Variants in LATS1 observed in about 807,000 individuals in gnomAD.
LATS1 encodes serine/threonine-protein kinase LATS1.
A neutral mutation model predicts 106.6 loss-of-function variants in LATS1; 25 were observed. That is an observed-to-expected ratio of 0.23 (90% CI 0.17 to 0.33). The LOEUF is 0.33. Among genes scored for constraint, LATS1 ranks in the 10% least tolerant of loss-of-function variants. The pLI, the probability that LATS1 is intolerant of heterozygous loss-of-function variation, is 1.00. For missense variants in LATS1, 1,040 were observed against 1,382.6 expected (o/e 0.75, Z 3.93); for synonymous variants, 465 against 455.6 (o/e 1.02, Z -0.26).
chr6:149,682,082 AGCCTGGCG>A (rs1782064048), intron 4 of LATS1, among the ~76,000 whole-genome samples: 1 of 131,342 alleles, frequency 7.6e-6, no homozygotes, highest in Non-Finnish European at 1.7e-5. Context: ...ACTGCACTCC[AGCCTGGCG>A]ACAGAGTGAG....
In LATS1 at chr6:149,684,541, T is replaced by A; in HGVS notation, c.548A>T (p.Glu183Val). ...NRKQSWKGSK[E>V]SLVPQRHGPP... ...GCCATGCCTCTGAGGAACTAAGGAT[T>A]CTTTAGAACCTTTCCAGCTCTGTTT... Residue 183 changes from glutamate (E) to valine (V), a missense_variant, in exon 4 of 8, where the codon GAA becomes GTA. Physicochemically the swap from Glu to Val is moderately radical, Grantham distance 121. Around this residue, in one of 7 missense-constraint regions of LATS1, gnomAD observed 624 missense variants for 714.8 expected, o/e 0.87. Coordinates refer to ENST00000543571, the MANE Select transcript of LATS1 (RefSeq NM_004690.4). 6.2e-7 allele frequency: 1 copy of A among 1,613,228 alleles called. No individual in the cohort carries two copies. The highest frequency in any genetic ancestry group is 1.7e-5 in the Admixed American group (1 of 59,972).
In LATS1 at chr6:149,683,822, T is replaced by C. The variant is rs756388991; in HGVS notation, c.1267A>G (p.Asn423Asp). Residue 423 changes from asparagine (N) to aspartate (D), a missense_variant, in exon 4 of 8, where the codon AAC becomes GAC. Physicochemically the swap from Asn to Asp is conservative, Grantham distance 23. This residue lies in a region of LATS1 where 624 missense variants were observed against 714.8 expected (regional missense o/e 0.87). Coordinates refer to ENST00000543571, the MANE Select transcript of LATS1 (RefSeq NM_004690.4). Reference sequence around the variant, plus strand: ...GTTTGCAGTCCAGGTACACTAATGTTATATAGTTCCATGTTATGACTATTT... The same window carrying C: ...GTTTGCAGTCCAGGTACACTAATGTCATATAGTTCCATGTTATGACTATTT... ...NRNSHNMELY[N>D]ISVPGLQTNW... 2.9e-5 allele frequency: 47 copies of C among 1,613,950 alleles called. No individual in the cohort carries two copies. Among genetic ancestry groups the C allele is most frequent in the Non-Finnish European group, 4.0e-5 (47 of 1,180,042 alleles).
chr6:149,667,417 CAACAA>C (rs1250468728), intron 7 of LATS1, among the ~76,000 whole-genome samples: 1 of 65,750 alleles, frequency 1.5e-5, no homozygotes, highest in East Asian at 4.6e-4. Flanking sequence ...CCAGCCTGGG[CAACAA>C]AACAAGACTG....
In LATS1 at chr6:149,679,992, G is replaced by T. The variant is rs1781949640; in HGVS notation, c.2476C>A (p.His826Asn). The change falls in exon 5 of 8, where the codon CAT becomes AAT. Residue 826 changes from histidine (H) to asparagine (N), a missense_variant. Coordinates refer to ENST00000543571, the MANE Select transcript of LATS1 (RefSeq NM_004690.4). The part of the protein sequence containing the change: ...VESVHKMGFI[H>N]RDIKPDNILI... ...ATATTATCAGGTTTAATATCTCTAT[G>T]AATAAAACCCATTTTATGAACACTT... 1 of 1,613,380 alleles carries T rather than the reference G, an allele frequency of 6.2e-7. No individual in the cohort carries two copies. The highest frequency in any genetic ancestry group is 1.3e-5 in the African/African-American group (1 of 74,904).
chr6:149,689,675 C>A (rs1337423412), intron 3 of LATS1, among the ~76,000 whole-genome samples: 3 of 152,174 alleles, frequency 2.0e-5, no homozygotes, highest in Admixed American at 1.3e-4. Flanking sequence ...ACTGCCTGCT[C>A]TAGTCCTCAC....
At chr6:149,690,551 C>CT (rs60856593) in intron 3 of LATS1, among the ~76,000 whole-genome samples, 1,647 of 138,226 alleles carry the variant, frequency 0.012, 33 homozygotes, top group African/African-American at 0.039. Flanking sequence ...TTTTAACTTT[C>CT]TTTTTTTTTT....
rs1316030305 is a variant in LATS1, at chr6:149,717,996, CCG to C, written c.-290_-289del. The C allele has an allele frequency of 2.7e-6, 1 of 364,708 alleles. No homozygotes were observed. Among genetic ancestry groups the C allele is most frequent in the Non-Finnish European group, 5.3e-6 (1 of 189,960 alleles). 22.6% of individuals were successfully genotyped at this position (364,708 alleles called of 1,614,324 possible). The stretch of plus-strand genomic sequence containing the variant: ...GGGGGCTGCCGCGGGCCAGCGCGGC[CCG>C]TCCCAGGGGTCGTGAGGACCTGGCT... On this transcript the variant is annotated 5_prime_UTR_variant, in exon 1 of 8. Coordinates refer to ENST00000543571, the MANE Select transcript of LATS1 (RefSeq NM_004690.4).
Position 149,676,583 on chromosome 6 carries a change from A to G in LATS1, c.2748T>C (p.Tyr916=). ...TTCGTAGCAACACTTCAGGTGCAAT[A>G]TAATTGGGAGTCCCAACCAAAGAAT... ...LAHSLVGTPN[Y]IAPEVLLRTG... The change falls in exon 6 of 8, where the codon TAT becomes TAC. Residue 916 remains tyrosine (Y), a synonymous_variant. Coordinates refer to ENST00000543571, the MANE Select transcript of LATS1 (RefSeq NM_004690.4). The G allele has an allele frequency of 6.2e-7, 1 of 1,614,066 alleles. No homozygotes were observed. Among genetic ancestry groups the G allele is most frequent in the Non-Finnish European group, 8.5e-7 (1 of 1,180,042 alleles).
intron 7 of LATS1, 198 bp downstream of exon 7, chr6:149,676,062 G>C (rs1781704470): frequency 1.9e-6 from 1 of 533,880 alleles, no homozygotes; most frequent in Non-Finnish European, 3.4e-6. Context: ...ATTGTTGCCA[G>C]GCTGATCTTG....
At position 149,658,670 on chromosome 6, in the gene LATS1, C is replaced by G. The variant is rs1780785912; in HGVS notation, c.*3059G>C. On this transcript the variant is annotated 3_prime_UTR_variant, in exon 8 of 8. Coordinates refer to ENST00000543571, the MANE Select transcript of LATS1 (RefSeq NM_004690.4). Reference sequence around the variant, plus strand: ...AAACAATTCCACTCACAGTTTTGCACTTTGCAACAGCAGAAGGTAATAACT... The same window carrying G: ...AAACAATTCCACTCACAGTTTTGCAGTTTGCAACAGCAGAAGGTAATAACT... 1 of 152,158 alleles carries G rather than the reference C, an allele frequency of 6.6e-6. No individual in the cohort carries two copies. The highest frequency in any genetic ancestry group is 6.6e-5 in the Admixed American group (1 of 15,262). The allele number at this position is 152,158 out of a possible 1,614,324, so 9.4% of individuals were successfully genotyped here.
In LATS1 at chr6:149,661,818, T is replaced by C. The variant is rs368924798; in HGVS notation, c.3304A>G (p.Ile1102Val). The C allele has an allele frequency of 6.2e-6, 10 of 1,613,028 alleles. No individual in the cohort carries two copies. The highest frequency in any genetic ancestry group is 1.3e-5 in the African/African-American group (1 of 74,894). The change falls in exon 8 of 8, where the codon ATT becomes GTT. Residue 1102 changes from isoleucine (I) to valine (V), a missense_variant. By Grantham distance (29) the Ile-to-Val change is conservative. Around this residue, in one of 7 missense-constraint regions of LATS1, gnomAD observed 46 missense variants for 42.4 expected, o/e 1.09. Transcript: ENST00000543571. Reference sequence around the variant, plus strand: ...TGCTGCTCTGAGCCTTGTGAATTAATGTATTCATATTCAATAGGCTTCGGA... The same window carrying C: ...TGCTGCTCTGAGCCTTGTGAATTAACGTATTCATATTCAATAGGCTTCGGA... ...NYPKPIEYEY[I>V]NSQGSEQQSD...
At chr6:149,686,445 C>T (rs1782379127) in intron 3 of LATS1, among the ~76,000 whole-genome samples, 1 of 152,126 alleles carries the variant, frequency 6.6e-6, no homozygotes, top group Non-Finnish European at 1.5e-5. Context: ...CAGAGCTCTC[C>T]ATGTTCTTCC....
chr6:149,660,255 A>G lies in LATS1; in HGVS notation c.*1474T>C. On this transcript the variant is annotated 3_prime_UTR_variant, in exon 8 of 8. Coordinates refer to ENST00000543571, the MANE Select transcript of LATS1 (RefSeq NM_004690.4). ...CACGATAACACAGTAGTGGGTTTTC[A>G]GGCTGAGCTCTGAAAGGACCACCTG... The G allele has an allele frequency of 4.3e-6, 1 of 233,040 alleles. No homozygotes were observed. 14.4% of individuals were successfully genotyped at this position (233,040 alleles called of 1,614,324 possible).
chr6:149,670,015 T>C (rs576094826), intron 7 of LATS1, among the ~76,000 whole-genome samples: 1 of 150,510 alleles, frequency 6.6e-6, no homozygotes, highest in South Asian at 2.1e-4. Flanking sequence ...CTACTAAAAA[T>C]ACAAAAATTA....
intron 1 of LATS1, among the ~76,000 whole-genome samples, chr6:149,715,572 G>A (rs1784336917): frequency 6.6e-6 from 1 of 152,058 alleles, no homozygotes; most frequent in African/African-American, 2.4e-5. Context: ...TATACATATA[G>A]CATATTCCTT....
At position 149,683,708 on chromosome 6, in the gene LATS1, T is replaced by A; in HGVS notation, c.1381A>T (p.Arg461Trp). Reference sequence around the variant, plus strand: ...AATGGGTTATTAAAAGAATTTGACCTCACTGGTATGTTAGGTTGCCATGTA... The same window carrying A: ...AATGGGTTATTAAAAGAATTTGACCACACTGGTATGTTAGGTTGCCATGTA... Reference protein sequence around the residue: ...IPTWQPNIPVRSNSFNNPLGN... With the variant: ...IPTWQPNIPVWSNSFNNPLGN... The change falls in exon 4 of 8, where the codon AGG becomes TGG. Residue 461 changes from arginine to tryptophan, a missense_variant. By Grantham distance (101) the Arg-to-Trp change is moderately radical. Around this residue, in one of 7 missense-constraint regions of LATS1, gnomAD observed 624 missense variants for 714.8 expected, o/e 0.87. Transcript: ENST00000543571. The A allele has an allele frequency of 6.2e-7, 1 of 1,614,194 alleles. No individual in the cohort carries two copies. Among genetic ancestry groups the A allele is most frequent in the South Asian group, 1.1e-5 (1 of 91,092 alleles).
At chr6:149,715,077 CTTTATTTA>C (rs897793598) in intron 1 of LATS1, among the ~76,000 whole-genome samples, 1 of 151,598 alleles carries the variant, frequency 6.6e-6, no homozygotes, top group Non-Finnish European at 1.5e-5. Flanking sequence ...TTCTTTATTT[CTTTATTTA>C]TTTTTGAGAC....
intron 2 of LATS1, among the ~76,000 whole-genome samples, chr6:149,698,202 A>C (rs1191216143): frequency 2.0e-5 from 3 of 152,052 alleles, no homozygotes; most frequent in Non-Finnish European, 2.9e-5. Flanking sequence ...GCCAGTGTGA[A>C]AAAGAACGCT....
chr6:149,693,537 G>C lies in LATS1; in HGVS notation c.496+1537C>G, dbSNP rs531200664. ...TGGCAGGAGAATCACTTGAACCCAG[G>C]GGGTGGAGGTTGCAGTGAGCCAAGA... On this transcript the variant is annotated intron_variant, in intron 3 of 7. Coordinates refer to ENST00000543571, the MANE Select transcript of LATS1 (RefSeq NM_004690.4). Among the ~76,000 whole-genome samples the C allele has an allele frequency of 2.6e-3, 397 of 151,886 alleles. 2 individuals carry two copies. Among genetic ancestry groups the C allele is most frequent in the South Asian group, 7.7e-3 (37 of 4,804 alleles).
Sources: gnomAD v4.1 joint callset for allele counts (sites outside exome capture counted in the v4.1 genomes callset) on GRCh38, gnomAD v4.1.1 for gene constraint, gnomAD v4.1.1 regional missense constraint, MANE v1.5 for transcripts, NCBI Gene and HGNC (gene_info 2026-07-23, HGNC 2026-07-21) for gene names.